Variants in CDH4 observed in about 807,000 individuals in gnomAD.
CDH4 encodes the protein cadherin-4.
CDH4 carries 33 observed loss-of-function variants against 86.0 expected under a neutral mutation model. That is an observed-to-expected ratio of 0.38 (90% CI 0.29 to 0.51). The LOEUF is 0.51. Ranked by LOEUF, CDH4 falls within the 20% of genes least tolerant of loss-of-function variation. CDH4 has a pLI of 0.86. For synonymous variants in CDH4, 555 were observed against 549.4 expected (o/e 1.01, Z -0.14); for missense variants, 1,114 against 1,307.4 (o/e 0.85, Z 2.28).
Position 61,761,238 on chromosome 20 carries a change from A to G in CDH4, c.397-11765A>G, listed in dbSNP as rs193233564. On this transcript the variant is annotated intron_variant, in intron 3 of 15. Transcript: ENST00000614565. The stretch of plus-strand genomic sequence containing the variant: ...ACATTTAGGGGAGGGGGGCTCACAT[A>G]ATTTCCTTTTGAAGCATGTTTAACC... Among the ~76,000 whole-genome samples, 172 of 152,290 alleles carry G rather than the reference A, an allele frequency of 1.1e-3. 1 individual carries two copies. Among genetic ancestry groups the G allele is most frequent in the African/African-American group, 4.0e-3 (167 of 41,560 alleles).
intron 2 of CDH4, among the ~76,000 whole-genome samples, chr20:61,553,948 G>A (rs1568889996): frequency 6.6e-6 from 1 of 152,144 alleles, no homozygotes; most frequent in Non-Finnish European, 1.5e-5. Context: ...CAGCATTGTG[G>A]TAAGCTGTGC....
At chr20:61,839,382 T>A (rs953029080) in intron 4 of CDH4, among the ~76,000 whole-genome samples, 1 of 152,092 alleles carries the variant, frequency 6.6e-6, no homozygotes, top group East Asian at 1.9e-4. Flanking sequence ...GTGTGTTGTG[T>A]GTGTATGTGT....
chr20:61,537,418 A>G (rs913798653), intron 2 of CDH4, among the ~76,000 whole-genome samples: 1 of 152,126 alleles, frequency 6.6e-6, no homozygotes, highest in Non-Finnish European at 1.5e-5. Context: ...GTGGCCGGTG[A>G]TGTGTCCCAG....
At chr20:61,851,129 A>G (rs540232054) in intron 5 of CDH4, among the ~76,000 whole-genome samples, 25 of 152,342 alleles carry the variant, frequency 1.6e-4, no homozygotes, top group Admixed American at 3.3e-4. Flanking sequence ...AGCCGGTTCC[A>G]GCAACCCCAC....
At chr20:61,698,444 G>A (rs1414414330) in intron 2 of CDH4, among the ~76,000 whole-genome samples, 1 of 152,234 alleles carries the variant, frequency 6.6e-6, no homozygotes, top group Non-Finnish European at 1.5e-5. Context: ...CCCATTCAGG[G>A]GAAGCAAGTC....
At chr20:61,571,210 G>A (rs544339122) in intron 2 of CDH4, among the ~76,000 whole-genome samples, 1 of 152,326 alleles carries the variant, frequency 6.6e-6, no homozygotes, top group South Asian at 2.1e-4. Context: ...TTTGTTCTCT[G>A]TGGTGTTTCC....
chr20:61,433,927 C>A (rs552840937), intron 2 of CDH4, among the ~76,000 whole-genome samples: 13 of 152,280 alleles, frequency 8.5e-5, no homozygotes, highest in Admixed American at 2.0e-4. Flanking sequence ...GGATTGAAGT[C>A]TAAAGCCAGC....
At position 61,928,278 on chromosome 20, in the gene CDH4, G is replaced by A. The variant is rs771127026; in HGVS notation, c.1860G>A (p.Ala620=). ...CCCCTGAGCTGCTGCCCAAGGAGGC[G>A]CAGATCTGCGAGAAGCCCAACCTGA... is the stretch of plus-strand genomic sequence containing the variant. ...DNAPELLPKE[A]QICEKPNLNA... The change falls in exon 12 of 16, where the codon GCG becomes GCA. Residue 620 remains alanine, a synonymous_variant. Transcript: ENST00000614565. 28 of 1,609,594 alleles carry A rather than the reference G, an allele frequency of 1.7e-5. No individual in the cohort carries two copies. The highest frequency in any genetic ancestry group is 5.3e-5 in the African/African-American group (4 of 74,928).
chr20:61,757,560 A>G (rs1041882972), intron 3 of CDH4, among the ~76,000 whole-genome samples: 8 of 152,180 alleles, frequency 5.3e-5, no homozygotes, highest in African/African-American at 1.9e-4. Flanking sequence ...GAAGCCCCCT[A>G]GGGAGCAAAA....
intron 2 of CDH4, among the ~76,000 whole-genome samples, chr20:61,311,844 C>T (rs13039080): frequency 0.044 from 6,754 of 152,350 alleles, 199 homozygotes; most frequent in African/African-American, 0.069. Flanking sequence ...GTGTGTGGGA[C>T]GCGCCAGGGC....
intron 2 of CDH4, among the ~76,000 whole-genome samples, chr20:61,647,565 CTCTCCCTCCCTCCCCCTCTCCT>C (rs2087077361): frequency 1.8e-5 from 1 of 56,584 alleles, no homozygotes; most frequent in Non-Finnish European, 5.0e-5. Context: ...CTCCCTCTCC[CTCTCCCTCCCTCCCCCTCTCCT>C]CTCTCTCCTC....
At chr20:61,422,749 G>T in intron 2 of CDH4, among the ~76,000 whole-genome samples, 1 of 152,124 alleles carries the variant, frequency 6.6e-6, no homozygotes, top group East Asian at 1.9e-4. Flanking sequence ...GAGAGTTCCT[G>T]TTCTTGGCCA....
At chr20:61,599,181 G>A (rs1488944766) in intron 2 of CDH4, among the ~76,000 whole-genome samples, 1 of 152,126 alleles carries the variant, frequency 6.6e-6, no homozygotes, top group African/African-American at 2.4e-5. Context: ...AGCTGGCTTC[G>A]TTTCCATGTC....
intron 2 of CDH4, among the ~76,000 whole-genome samples, chr20:61,398,282 C>A (rs1456871324): frequency 6.6e-6 from 1 of 152,180 alleles, no homozygotes; most frequent in Non-Finnish European, 1.5e-5. Context: ...ACGGAAGGGA[C>A]AATGTTCCTG....
intron 3 of CDH4, among the ~76,000 whole-genome samples, chr20:61,748,819 G>C (rs1000807387): frequency 7.3e-6 from 1 of 137,560 alleles, no homozygotes; most frequent in African/African-American, 2.8e-5. Flanking sequence ...AGTCATAAAA[G>C]TCTGTAAGTA....
At chr20:61,843,708 T>A (rs916108821) in intron 4 of CDH4, among the ~76,000 whole-genome samples, 5 of 151,050 alleles carry the variant, frequency 3.3e-5, no homozygotes, top group Non-Finnish European at 5.9e-5. Context: ...AAAAAAAAAA[T>A]TCCTGTTCCA....
intron 2 of CDH4, among the ~76,000 whole-genome samples, chr20:61,728,689 C>A (rs1407724633): frequency 6.6e-6 from 1 of 152,138 alleles, no homozygotes; most frequent in Non-Finnish European, 1.5e-5. Context: ...AGCAGGATGT[C>A]TGAGCAGACA....
intron 2 of CDH4, among the ~76,000 whole-genome samples, chr20:61,448,632 T>C (rs2085364815): frequency 6.6e-6 from 1 of 152,190 alleles, no homozygotes; most frequent in African/African-American, 2.4e-5. Flanking sequence ...AGGAGTTTTT[T>C]GTATTGCATT....
chr20:61,463,783 A>G (rs1033981518), intron 2 of CDH4, among the ~76,000 whole-genome samples: 1 of 152,218 alleles, frequency 6.6e-6, no homozygotes, highest in Non-Finnish European at 1.5e-5. Context: ...CTGAAACAAA[A>G]GGCGGGAGGG....
Sources: allele counts gnomAD v4.1 joint callset (sites outside exome capture counted in the v4.1 genomes callset), GRCh38; gene constraint gnomAD v4.1.1; transcripts MANE v1.5; gene names NCBI Gene and HGNC (gene_info 2026-07-23, HGNC 2026-07-21).